TMEM179: variants seen among roughly 807,000 people sequenced by gnomAD.
The protein encoded by TMEM179 is transmembrane protein 179.
Under a neutral mutation model 22.2 loss-of-function variants are expected in TMEM179, and 17 were observed. The ratio of observed to expected loss-of-function variants is 0.77; its 90% CI spans 0.52 to 1.15. The LOEUF is 1.15. Ranked by LOEUF, TMEM179 falls within the 50% of genes most tolerant of loss-of-function variation. The pLI, the probability that TMEM179 is intolerant of heterozygous loss-of-function variation, is 0.00. For missense variants in TMEM179, 265 were observed against 313.6 expected (o/e 0.84, Z 1.17); for synonymous variants, 127 against 140.5 (o/e 0.90, Z 0.68).
chr14:104,593,423 C>G lies in TMEM179; in HGVS notation c.*56G>C, dbSNP rs960935799. On this transcript the variant is annotated 3_prime_UTR_variant, in exon 4 of 4. Transcript: ENST00000556573. ...CCCCAGCTGCTTCCCCAGGCAGGCC[C>G]GTGCCCCCGAGCGCAGCAGGGAGGT... 1 of 1,532,130 alleles carries G rather than the reference C, an allele frequency of 6.5e-7. No homozygotes were observed. Among genetic ancestry groups the G allele is most frequent in the South Asian group, 1.2e-5 (1 of 83,822 alleles). 94.9% of individuals were successfully genotyped at this position (1,532,130 alleles called of 1,614,324 possible).
rs760239957 is a variant in TMEM179, at chr14:104,597,144, G to A, written c.306-17C>T. On this transcript the variant is annotated splice_polypyrimidine_tract_variant and intron_variant, in intron 1 of 3. Transcript: ENST00000556573. The surrounding 1 kb of genome is among the most constrained non-coding windows in gnomAD (Gnocchi z 4.8). ...AAGAAGGAGCTGCAGCCAGAAACAG[G>A]AGGGGCAGGCTCACTGGACACCACC... 2 of 1,572,556 alleles carry A rather than the reference G, an allele frequency of 1.3e-6. No homozygotes were observed. Among genetic ancestry groups the A allele is most frequent in the Non-Finnish European group, 1.7e-6 (2 of 1,160,796 alleles).
intron 1 of TMEM179, among the ~76,000 whole-genome samples, chr14:104,602,579 G>A (rs1426530500): frequency 6.6e-6 from 1 of 152,256 alleles, no homozygotes; most frequent in Non-Finnish European, 1.5e-5. Flanking sequence ...TGCATGCACA[G>A]CATGGACTGG....
In TMEM179 at chr14:104,604,610, C is replaced by T. The variant is rs1477206643; in HGVS notation, c.132G>A (p.Glu44=). The change falls in exon 1 of 4, where the codon GAG becomes GAA. Residue 44 remains glutamate, a synonymous_variant. Transcript: ENST00000556573. The surrounding 1 kb of genome is among the most constrained non-coding windows in gnomAD (Gnocchi z 4.6). The part of the protein sequence containing the change: ...DFRGRCLLFT[E]GMWLSANLTV... ...TGAGGTTGGCGCTCAGCCACATGCC[C>T]TCGGTGAAGAGCAGGCAGCGGCCGC... The T allele has an allele frequency of 6.4e-7, 1 of 1,566,702 alleles. No individual in the cohort carries two copies. The highest frequency in any genetic ancestry group is 8.6e-7 in the Non-Finnish European group (1 of 1,159,700).
chr14:104,595,197 A>T lies in TMEM179; in HGVS notation c.490T>A (p.Ser164Thr). ...ATTGCAAACTGATCGTAGAAGGCGG[A>T]GTTGTCCACGCCCAGCTCCAAGTCG... is the stretch of plus-strand genomic sequence containing the variant. ...DIDLELGVDN[S>T]AFYDQFAIAQ... Residue 164 changes from serine to threonine, a missense_variant, in exon 3 of 4, where the codon TCC becomes ACC. Ser to Thr is a moderately conservative substitution (Grantham distance 58). Coordinates refer to ENST00000556573, the MANE Select transcript of TMEM179 (RefSeq NM_001286389.2). The surrounding 1 kb of genome is among the most constrained non-coding windows in gnomAD (Gnocchi z 5.7). The T allele has an allele frequency of 6.2e-7, 1 of 1,613,634 alleles. No individual in the cohort carries two copies. Among genetic ancestry groups the T allele is most frequent in the Non-Finnish European group, 8.5e-7 (1 of 1,179,960 alleles).
Position 104,595,299 on chromosome 14 carries a change from A to T in TMEM179, c.444-56T>A. The T allele has an allele frequency of 2.6e-6, 4 of 1,539,792 alleles. No homozygotes were observed. Among genetic ancestry groups the T allele is most frequent in the Non-Finnish European group, 2.7e-6 (3 of 1,128,300 alleles). On this transcript the variant is annotated intron_variant, in intron 2 of 3. Coordinates refer to ENST00000556573, the MANE Select transcript of TMEM179 (RefSeq NM_001286389.2). The surrounding 1 kb of genome is among the most constrained non-coding windows in gnomAD (Gnocchi z 5.7). The stretch of plus-strand genomic sequence containing the variant: ...ACCACCAGGACAGCCAGTGCGGGAC[A>T]TGGCTGAGCCGCTGGCCAGAGAGCC...
rs1350606843 is a variant in TMEM179 at position 104,594,002 on chromosome 14, G to C, written c.523-344C>G. On this transcript the variant is annotated intron_variant, in intron 3 of 3. Coordinates refer to ENST00000556573, the MANE Select transcript of TMEM179 (RefSeq NM_001286389.2). ...GAGTGCTTTCTCCTCCAGCAGCTCC[G>C]GCCTGTCGGCTCTAAGGAGGGCGGG... is the stretch of plus-strand genomic sequence containing the variant. 5.0e-6 allele frequency: 6 copies of C among 1,198,446 alleles called. No individual in the cohort carries two copies. In the South Asian group the frequency reaches 2.1e-4, roughly 42 times the overall value. The allele number at this position is 1,198,446 out of a possible 1,614,324, so 74.2% of individuals were successfully genotyped here. A position where few individuals can be genotyped will look rare whatever the true frequency, so the allele number is the denominator to read the frequency against.
chr14:104,593,034 C>T lies in TMEM179; in HGVS notation c.*445G>A, dbSNP rs768165800. ...GCCGTGAGCTCCTCCCCACACGCAGCCTCTGCCTGGATGGCAGAATTCATG... is the reference window on the plus strand; with the variant it reads ...GCCGTGAGCTCCTCCCCACACGCAGTCTCTGCCTGGATGGCAGAATTCATG... On this transcript the variant is annotated 3_prime_UTR_variant, in exon 4 of 4. Coordinates refer to ENST00000556573, the MANE Select transcript of TMEM179 (RefSeq NM_001286389.2). 2.3e-5 allele frequency: 4 copies of T among 170,820 alleles called. No individual in the cohort carries two copies. The highest frequency in any genetic ancestry group is 5.0e-5 in the Non-Finnish European group (4 of 79,930). The allele number at this position is 170,820 out of a possible 1,614,324, so 10.6% of individuals were successfully genotyped here.
chr14:104,603,975 T>C (rs1469361629), intron 1 of TMEM179, among the ~76,000 whole-genome samples: 2 of 152,320 alleles, frequency 1.3e-5, no homozygotes, highest in Admixed American at 6.5e-5. Context: ...GACAGCCATC[T>C]GCCGTCCCTT....
At chr14:104,596,762 A>C (rs1887036639) in intron 2 of TMEM179, among the ~76,000 whole-genome samples, 1 of 152,136 alleles carries the variant, frequency 6.6e-6, no homozygotes, top group African/African-American at 2.4e-5. Flanking sequence ...CTCTTGTGTG[A>C]CGTGTGATGC....
chr14:104,601,809 C>T (rs1404220890), intron 1 of TMEM179, among the ~76,000 whole-genome samples: 1 of 152,144 alleles, frequency 6.6e-6, no homozygotes, highest in Non-Finnish European at 1.5e-5. Context: ...CAGGAGCTGC[C>T]CGGACCTGAC....
chr14:104,600,005 C>A (rs994113979), intron 1 of TMEM179, among the ~76,000 whole-genome samples: 1 of 152,204 alleles, frequency 6.6e-6, no homozygotes, highest in Non-Finnish European at 1.5e-5. Flanking sequence ...TATGAAATGG[C>A]CCGATTTTGG....
At chr14:104,600,107 T>C (rs4454893) in intron 1 of TMEM179, among the ~76,000 whole-genome samples, 125,671 of 152,218 alleles carry the variant, frequency 0.83, 52,963 homozygotes, top group Middle Eastern at 0.9. Context: ...CCTCGGTCTG[T>C]TCCTCTCATT....
Position 104,604,412 on chromosome 14 carries a change from C to A in TMEM179, c.305+25G>T. 1 of 1,493,754 alleles carries A rather than the reference C, an allele frequency of 6.7e-7. No individual in the cohort carries two copies. The highest frequency in any genetic ancestry group is 2.6e-5 in the East Asian group (1 of 39,080). 92.5% of individuals were successfully genotyped at this position (1,493,754 alleles called of 1,614,324 possible). ...GGCGCTGGGGGCATGGAAGGGGCGC[C>A]GCGCCGGGAGCGGCCCCCACTTACC... is the stretch of plus-strand genomic sequence containing the variant. On this transcript the variant is annotated intron_variant, in intron 1 of 3. Transcript: ENST00000556573. This position sits in a 1 kb window ranked among gnomAD's most constrained non-coding sequence, Gnocchi z 4.6.
intron 2 of TMEM179, among the ~76,000 whole-genome samples, chr14:104,596,231 A>T (rs1275377770): frequency 6.6e-6 from 1 of 152,214 alleles, no homozygotes; most frequent in Admixed American, 6.5e-5. Flanking sequence ...GTTTGCTTAA[A>T]GGAAGAATGT....
In TMEM179 at chr14:104,593,376, TG is replaced by T; in HGVS notation, c.*102del. On this transcript the variant is annotated 3_prime_UTR_variant, in exon 4 of 4. Transcript: ENST00000556573. Reference sequence around the variant, plus strand: ...GAGGGGACACACGCAGGGCTGCATGTGGCCAGGGCCCAGGCAGAGCCCCCCA... The same window carrying T: ...GAGGGGACACACGCAGGGCTGCATGTGCCAGGGCCCAGGCAGAGCCCCCCA... 7.1e-7 allele frequency: 1 copy of T among 1,402,076 alleles called. No homozygotes were observed. The highest frequency in any genetic ancestry group is 9.7e-7 in the Non-Finnish European group (1 of 1,034,190). The allele number at this position is 1,402,076 out of a possible 1,614,324, so 86.9% of individuals were successfully genotyped here.
intron 2 of TMEM179, among the ~76,000 whole-genome samples, chr14:104,596,419 C>G (rs1295637574): frequency 6.6e-6 from 1 of 152,178 alleles, no homozygotes; most frequent in Non-Finnish European, 1.5e-5. Flanking sequence ...GGCTCAAAGG[C>G]CTCCATCCCC....
rs371825981 is a variant in TMEM179, at chr14:104,600,604, ATTC to A, written c.306-3480_306-3478del. Among the ~76,000 whole-genome samples the A allele has an allele frequency of 2.8e-3, 426 of 152,262 alleles. 5 individuals carry two copies. The highest frequency in any genetic ancestry group is 0.023 in the East Asian group (119 of 5,182). ...CATCCATTCATTCATTCATTCATTC[ATTC>A]ATTTACTCATTCATTCATTCATTCA... On this transcript the variant is annotated intron_variant, in intron 1 of 3. Coordinates refer to ENST00000556573, the MANE Select transcript of TMEM179 (RefSeq NM_001286389.2).
At position 104,595,778 on chromosome 14, in the gene TMEM179, C is replaced by G. The variant is rs978447681; in HGVS notation, c.444-535G>C. On this transcript the variant is annotated intron_variant, in intron 2 of 3. Transcript: ENST00000556573. This position sits in a 1 kb window ranked among gnomAD's most constrained non-coding sequence, Gnocchi z 5.7. ...CCCATCACGGAGGCATCTGTGGAAG[C>G]AGTGGGCATCAGAGGGCCCAGGAGT... 6.6e-6 allele frequency among the ~76,000 whole-genome samples: 1 copy of G among 152,242 alleles called. No individual in the cohort carries two copies. Among genetic ancestry groups the G allele is most frequent in the Non-Finnish European group, 1.5e-5 (1 of 68,034 alleles).
chr14:104,600,570 C>CCATTCATTCATCCATTCATTCATTCATT (rs1887202254), intron 1 of TMEM179, among the ~76,000 whole-genome samples: 4 of 152,060 alleles, frequency 2.6e-5, no homozygotes, highest in African/African-American at 9.7e-5. Context: ...AGGTGCCATT[C>CCATTCATTCATCCATTCATTCATTCATT]CATTCATTCA....
Sources: allele counts gnomAD v4.1 joint callset (sites outside exome capture counted in the v4.1 genomes callset), GRCh38; gene constraint gnomAD v4.1.1; non-coding constraint Gnocchi (gnomAD v3.1); transcripts MANE v1.5; gene names NCBI Gene and HGNC (gene_info 2026-07-23, HGNC 2026-07-21).